The following LSM4 variants were observed in gnomAD, a reference collection of about 807,000 sequenced individuals.
The protein encoded by LSM4 is U6 snRNA-associated Sm-like protein LSm4.
In LSM4, 15 loss-of-function variants were observed where a neutral mutation model predicts 22.3. The ratio of observed to expected loss-of-function variants is 0.67; its 90% CI spans 0.45 to 1.03. LSM4 has a LOEUF of 1.03. Ranked by LOEUF, LSM4 falls within the 50% of genes least tolerant of loss-of-function variation. The pLI is 0.00. For missense variants in LSM4, 127 were observed against 198.0 expected, an observed-to-expected ratio of 0.64 and a Z score of 2.15; for synonymous variants, 90 against 79.8, an observed-to-expected ratio of 1.13 and a Z score of -0.68.
chr19:18,307,880 A>AGGAGGAGGAGGTAGGAGAGGCGT (rs1970248451), intron 4 of LSM4, among the ~76,000 whole-genome samples: 1 of 146,826 alleles, frequency 6.8e-6, no homozygotes, highest in Middle Eastern at 3.3e-3. Flanking sequence ...TTCCTGGAGG[A>AGGAGGAGGAGGTAGGAGAGGCGT]GGAGGAGGAG....
intron 1 of LSM4, among the ~76,000 whole-genome samples, chr19:18,319,322 G>A (rs1970396874): frequency 6.6e-6 from 1 of 152,038 alleles, no homozygotes; most frequent in Non-Finnish European, 1.5e-5. Context: ...CCAGCACTTT[G>A]GGAGGCCAAG....
intron 1 of LSM4, chr19:18,316,327 A>G: frequency 6.9e-6 from 2 of 288,866 alleles, no homozygotes; most frequent in East Asian, 1.2e-4. Flanking sequence ...GGTGCTGAAC[A>G]CTCTGGTCAA....
At chr19:18,314,936 G>A (rs1430397874) in intron 2 of LSM4, among the ~76,000 whole-genome samples, 1 of 151,930 alleles carries the variant, frequency 6.6e-6, no homozygotes, top group Non-Finnish European at 1.5e-5. Context: ...CCAGGCTGGA[G>A]TGCAGTGGCG....
At chr19:18,314,609 CA>C (rs1206554288) in intron 2 of LSM4, among the ~76,000 whole-genome samples, 2 of 152,104 alleles carry the variant, frequency 1.3e-5, no homozygotes, top group East Asian at 3.9e-4. Flanking sequence ...GGATGAACCT[CA>C]AAAACACGTT....
chr19:18,322,981 G>T (rs773422301), intron 1 of LSM4, 37 bp downstream of exon 1: 3 of 1,590,098 alleles, frequency 1.9e-6, no homozygotes, highest in Non-Finnish European at 2.6e-6. Flanking sequence ...TGCTGTTCCC[G>T]CCTCCCGGTG....
chr19:18,318,255 G>A (rs186030502), intron 1 of LSM4, among the ~76,000 whole-genome samples: 3 of 152,350 alleles, frequency 2.0e-5, no homozygotes, highest in African/African-American at 7.2e-5. Flanking sequence ...AACCCTGGCC[G>A]GGTGGCTCCC....
At chr19:18,322,735 T>C (rs1486404405) in intron 1 of LSM4, among the ~76,000 whole-genome samples, 1 of 152,054 alleles carries the variant, frequency 6.6e-6, no homozygotes, top group Non-Finnish European at 1.5e-5. Flanking sequence ...ACCTTTTTTT[T>C]TTTTACTTCA....
At chr19:18,309,530 C>G in intron 4 of LSM4, 148 bp downstream of exon 4, 1 of 824,728 alleles carries the variant, frequency 1.2e-6, no homozygotes, top group Non-Finnish European at 1.8e-6. Context: ...TCTGCCTGGG[C>G]CTCGGCTCAT....
At chr19:18,312,366 G>A in intron 3 of LSM4, 1 of 489,018 alleles carries the variant, frequency 2.0e-6, no homozygotes, top group Non-Finnish European at 3.7e-6. Context: ...TTCCAGGTCA[G>A]GGGTGGCACC....
intron 1 of LSM4, chr19:18,316,323 G>T: frequency 1.8e-5 from 6 of 329,978 alleles, no homozygotes; most frequent in Non-Finnish European, 3.4e-5. Flanking sequence ...TCTTGGTGCT[G>T]AACACTCTGG....
intron 1 of LSM4, among the ~76,000 whole-genome samples, chr19:18,316,612 T>C (rs1325689801): frequency 1.3e-5 from 2 of 152,034 alleles, no homozygotes; most frequent in Non-Finnish European, 2.9e-5. Flanking sequence ...CTTCCCAAAG[T>C]GCTGGGATTA....
chr19:18,317,946 A>T (rs1436392601), intron 1 of LSM4, among the ~76,000 whole-genome samples: 2 of 152,220 alleles, frequency 1.3e-5, no homozygotes, highest in Non-Finnish European at 2.9e-5. Context: ...CTCAACCCGT[A>T]CGCTGGGAGC....
At chr19:18,310,898 T>G (rs147384688) in intron 3 of LSM4, among the ~76,000 whole-genome samples, 1,985 of 152,298 alleles carry the variant, frequency 0.013, 33 homozygotes, top group Non-Finnish European at 0.016. Context: ...CGCCATGGGC[T>G]TGCCCCCAGA....
intron 4 of LSM4, 32 bp downstream of exon 4, chr19:18,309,646 C>A: frequency 6.4e-7 from 1 of 1,550,440 alleles, no homozygotes; most frequent in South Asian, 1.2e-5. Flanking sequence ...TCTTCCCGCC[C>A]CAGGTACGTC....
At chr19:18,319,014 G>A (rs894416974) in intron 1 of LSM4, among the ~76,000 whole-genome samples, 7 of 152,164 alleles carry the variant, frequency 4.6e-5, no homozygotes, top group South Asian at 2.1e-4. Context: ...AGGCTGAGGC[G>A]GGCAGATCAC....
At chr19:18,320,330 G>C (rs1351178450) in intron 1 of LSM4, among the ~76,000 whole-genome samples, 1 of 152,074 alleles carries the variant, frequency 6.6e-6, no homozygotes, top group Admixed American at 6.6e-5. Context: ...CAACACAAAA[G>C]ATTCTGTCTC....
intron 1 of LSM4, 49 bp from the exon 2 acceptor site, chr19:18,316,114 G>C: frequency 6.3e-7 from 1 of 1,592,022 alleles, no homozygotes; most frequent in Non-Finnish European, 8.6e-7. Flanking sequence ...CCAGCGCCTG[G>C]GAGCTCTGGT....
chr19:18,310,108 A>C, intron 3 of LSM4: 1 of 520,976 alleles, frequency 1.9e-6, no homozygotes, highest in Non-Finnish European at 3.3e-6. Context: ...TTGTGCACTC[A>C]CAAGGAAGAC....
chr19:18,312,579 C>G, intron 3 of LSM4, 25 bp downstream of exon 3: 1 of 1,600,032 alleles, frequency 6.2e-7, no homozygotes, highest in Non-Finnish European at 8.6e-7. Flanking sequence ...TGCATCCCAC[C>G]CCCGTTGGTG....
Sources: allele counts gnomAD v4.1 joint callset (sites outside exome capture counted in the v4.1 genomes callset), GRCh38; gene constraint gnomAD v4.1.1; transcripts MANE v1.5; gene names NCBI Gene and HGNC (gene_info 2026-07-23, HGNC 2026-07-21).